Variants in PTPRM observed in about 807,000 individuals in gnomAD.
PTPRM encodes receptor-type tyrosine-protein phosphatase mu.
In PTPRM, 47 loss-of-function variants were observed where a neutral mutation model predicts 186.7. That is an observed-to-expected ratio of 0.25 (90% CI 0.20 to 0.32). The LOEUF (loss-of-function observed/expected upper bound fraction) is 0.32, where lower values mean the gene tolerates loss of function less well. Among genes scored for constraint, PTPRM ranks in the 10% least tolerant of loss-of-function variants. The pLI, the probability that PTPRM is intolerant of heterozygous loss-of-function variation, is 1.00. For synonymous variants in PTPRM, 668 were observed against 674.9 expected (o/e 0.99, Z 0.16); for missense variants, 1,494 against 1,865.0 (o/e 0.80, Z 3.66).
chr18:8,018,447 C>T (rs115456438), intron 7 of PTPRM, among the ~76,000 whole-genome samples: 1 of 152,240 alleles, frequency 6.6e-6, no homozygotes, highest in African/African-American at 2.4e-5. Context: ...ACAGAGCATT[C>T]GATTTATCCT....
chr18:7,663,077 C>G (rs888178514), intron 1 of PTPRM, among the ~76,000 whole-genome samples: 2 of 152,094 alleles, frequency 1.3e-5, no homozygotes, highest in South Asian at 2.1e-4. Flanking sequence ...TGGGCCAGGA[C>G]GTGGACTCTG....
chr18:7,859,969 A>G (rs941913748), intron 2 of PTPRM, among the ~76,000 whole-genome samples: 5 of 152,182 alleles, frequency 3.3e-5, no homozygotes, highest in African/African-American at 9.7e-5. Flanking sequence ...GTACAAGTGG[A>G]GGGCTAGTAG....
chr18:8,241,121 A>T (rs538755693), intron 14 of PTPRM, among the ~76,000 whole-genome samples: 26 of 152,312 alleles, frequency 1.7e-4, no homozygotes, highest in Non-Finnish European at 2.1e-4. Flanking sequence ...TGAGGTCAGG[A>T]GTTTGAGACG....
At chr18:8,042,514 A>T (rs1227804022) in intron 7 of PTPRM, among the ~76,000 whole-genome samples, 1 of 152,194 alleles carries the variant, frequency 6.6e-6, no homozygotes, top group Non-Finnish European at 1.5e-5. Flanking sequence ...ACTTTATTAC[A>T]GCAAATGCGG....
At chr18:7,658,363 T>TATATATATATATATATATATAC (rs1490051251) in intron 1 of PTPRM, among the ~76,000 whole-genome samples, 3 of 142,074 alleles carry the variant, frequency 2.1e-5, no homozygotes, top group African/African-American at 7.9e-5. Context: ...TATATATACA[T>TATATATATATATATATATATAC]ACACACACAC....
chr18:7,700,732 T>C (rs544311109), intron 1 of PTPRM, among the ~76,000 whole-genome samples: 11 of 152,148 alleles, frequency 7.2e-5, no homozygotes, highest in Non-Finnish European at 1.6e-4. Context: ...GGCTCATGCC[T>C]GTAATCTCAG....
intron 19 of PTPRM, among the ~76,000 whole-genome samples, chr18:8,289,961 C>T (rs2095024712): frequency 6.6e-6 from 1 of 152,164 alleles, no homozygotes; most frequent in South Asian, 2.1e-4. Context: ...TTTTGCCTGC[C>T]TTTGTTCAGG....
intron 19 of PTPRM, among the ~76,000 whole-genome samples, chr18:8,261,200 A>T (rs1353619505): frequency 6.6e-6 from 1 of 152,174 alleles, no homozygotes. Context: ...GTCCCATAGG[A>T]TACAAAACAA....
At chr18:7,935,475 G>A (rs1022572607) in intron 5 of PTPRM, among the ~76,000 whole-genome samples, 1 of 151,944 alleles carries the variant, frequency 6.6e-6, no homozygotes, top group Admixed American at 6.6e-5. Context: ...CATGTCTAGG[G>A]ATACTCTAGA....
chr18:8,142,914 G>A (rs915712068), intron 13 of PTPRM, among the ~76,000 whole-genome samples: 3 of 152,086 alleles, frequency 2.0e-5, no homozygotes, highest in East Asian at 1.9e-4. Context: ...TGTAGTAAAC[G>A]GGACAAACAT....
At chr18:8,168,919 A>G (rs1327485529) in intron 14 of PTPRM, among the ~76,000 whole-genome samples, 3 of 152,198 alleles carry the variant, frequency 2.0e-5, no homozygotes, top group African/African-American at 7.2e-5. Context: ...GTTTATGAAG[A>G]CGAGTTTTTG....
chr18:7,631,991 C>G (rs2038203197), intron 1 of PTPRM, among the ~76,000 whole-genome samples: 1 of 152,174 alleles, frequency 6.6e-6, no homozygotes, highest in Non-Finnish European at 1.5e-5. Context: ...ATATAAAAAT[C>G]TCAAATGCTA....
chr18:8,114,753 C>T (rs2091891605), intron 12 of PTPRM, 38 bp from the exon 13 acceptor site: 1 of 1,537,942 alleles, frequency 6.5e-7, no homozygotes. Context: ...TTAAAGAAAA[C>T]ATGAATAATG....
rs140972825 is a variant in PTPRM, at chr18:7,942,644, G to C, written c.664-6537G>C. On this transcript the variant is annotated intron_variant, in intron 5 of 32. Coordinates refer to ENST00000580170, the MANE Select transcript of PTPRM (RefSeq NM_001105244.2). ...TTTCAGTTTCTGTGTCCTGCTTGGT[G>C]GGGGGGCGGGGAGGGAATGGTCTGC... 8.3e-3 allele frequency among the ~76,000 whole-genome samples: 1,261 copies of C among 152,056 alleles called. 6 individuals are homozygous for C. Among genetic ancestry groups the C allele is most frequent in the South Asian group, 0.033 (158 of 4,802 alleles).
chr18:7,838,802 G>T (rs1444503046), intron 2 of PTPRM, among the ~76,000 whole-genome samples: 2 of 152,220 alleles, frequency 1.3e-5, no homozygotes, highest in Non-Finnish European at 2.9e-5. Context: ...TGTCCCAGGT[G>T]CATGGAATTT....
At chr18:8,294,324 C>T (rs113288100) in intron 19 of PTPRM, among the ~76,000 whole-genome samples, 5,763 of 152,206 alleles carry the variant, frequency 0.038, 157 homozygotes, top group East Asian at 0.067. Context: ...TGATGCACAG[C>T]TCCACAGGGC....
At chr18:7,714,179 A>G (rs1166292325) in intron 1 of PTPRM, among the ~76,000 whole-genome samples, 3 of 152,226 alleles carry the variant, frequency 2.0e-5, no homozygotes, top group African/African-American at 7.2e-5. Flanking sequence ...CTCAGACCAC[A>G]GTGCAATCAA....
At chr18:8,173,596 A>G (rs1471237794) in intron 14 of PTPRM, among the ~76,000 whole-genome samples, 1 of 152,346 alleles carries the variant, frequency 6.6e-6, no homozygotes, top group South Asian at 2.1e-4. Context: ...CGGCTATGCC[A>G]TGTAGGAGAC....
At chr18:7,849,279 A>AGGT (rs2046750719) in intron 2 of PTPRM, among the ~76,000 whole-genome samples, 2 of 152,228 alleles carry the variant, frequency 1.3e-5, no homozygotes, top group Admixed American at 1.3e-4. Context: ...GTTTCAGGTT[A>AGGT]TCAAGAAAGT....
Sources: gnomAD v4.1 joint callset for allele counts (sites outside exome capture counted in the v4.1 genomes callset) on GRCh38, gnomAD v4.1.1 for gene constraint, MANE v1.5 for transcripts, NCBI Gene and HGNC (gene_info 2026-07-23, HGNC 2026-07-21) for gene names.